TNR: variants seen among roughly 807,000 people sequenced by gnomAD.
TNR encodes tenascin R.
TNR carries 45 observed loss-of-function variants against 150.4 expected under a neutral mutation model. The observed-to-expected ratio is 0.30, with a 90% CI of 0.24 to 0.38. The LOEUF is 0.38. Ranked by LOEUF, TNR falls within the 10% of genes least tolerant of loss-of-function variation. The pLI, the probability that TNR is intolerant of heterozygous loss-of-function variation, is 1.00. For synonymous variants in TNR, 687 were observed against 678.4 expected (o/e 1.01, Z -0.20); for missense variants, 1,544 against 1,759.1 (o/e 0.88, Z 2.19).
At chr1:175,658,187 G>C (rs1665250825) in intron 1 of TNR, among the ~76,000 whole-genome samples, 3 of 152,084 alleles carry the variant, frequency 2.0e-5, no homozygotes, top group Non-Finnish European at 1.5e-5. Context: ...CAGGTCAGCA[G>C]CCCTCAGGTG....
chr1:175,525,185 C>T (rs1479541284), intron 2 of TNR, among the ~76,000 whole-genome samples: 1 of 152,180 alleles, frequency 6.6e-6, no homozygotes, highest in South Asian at 2.1e-4. Context: ...CTCCTTCCTG[C>T]CATCATGTGA....
chr1:175,648,510 C>T (rs893341344), intron 1 of TNR, among the ~76,000 whole-genome samples: 1 of 152,102 alleles, frequency 6.6e-6, no homozygotes, highest in Non-Finnish European at 1.5e-5. Flanking sequence ...CTGAGATGGG[C>T]TAATTTTAGT....
intron 2 of TNR, among the ~76,000 whole-genome samples, chr1:175,522,634 A>G (rs74581638): frequency 6.6e-6 from 1 of 152,226 alleles, no homozygotes; most frequent in East Asian, 1.9e-4. Flanking sequence ...TGAAGTTGAC[A>G]CAGTATGTAG....
intron 2 of TNR, among the ~76,000 whole-genome samples, chr1:175,448,058 T>A (rs1321212880): frequency 6.6e-6 from 1 of 152,120 alleles, no homozygotes; most frequent in Non-Finnish European, 1.5e-5. Context: ...CCCCAGCCCA[T>A]GAACAGAGGT....
chr1:175,373,288 T>C (rs1652190787), intron 9 of TNR, among the ~76,000 whole-genome samples: 1 of 152,076 alleles, frequency 6.6e-6, no homozygotes, highest in South Asian at 2.1e-4. Context: ...CATAGAGAAA[T>C]TTCCCATCAG....
chr1:175,707,539 G>C (rs1666874020), intron 1 of TNR, among the ~76,000 whole-genome samples: 1 of 152,190 alleles, frequency 6.6e-6, no homozygotes, highest in Non-Finnish European at 1.5e-5. Flanking sequence ...CCAAAAGGTA[G>C]TTTGGCTGAT....
chr1:175,431,913 C>CTCTCTCTCTCTCTCTCTCTCTCTCCT (rs1553221260), intron 2 of TNR, among the ~76,000 whole-genome samples: 10 of 149,550 alleles, frequency 6.7e-5, no homozygotes, highest in African/African-American at 2.2e-4. Flanking sequence ...ACCATAATAT[C>CTCTCTCTCTCTCTCTCTCTCTCTCCT]TCTCTCTCTC....
intron 1 of TNR, among the ~76,000 whole-genome samples, chr1:175,553,714 G>C (rs1406605020): frequency 6.6e-6 from 1 of 151,652 alleles, no homozygotes; most frequent in Non-Finnish European, 1.5e-5. Flanking sequence ...AATTTGTTAG[G>C]GGACTTGAGT....
At chr1:175,441,774 AC>A (rs1487886330) in intron 2 of TNR, among the ~76,000 whole-genome samples, 2 of 152,172 alleles carry the variant, frequency 1.3e-5, no homozygotes, top group Non-Finnish European at 2.9e-5. Context: ...ATGATTTCTG[AC>A]CAGCTATTTC....
intron 1 of TNR, among the ~76,000 whole-genome samples, chr1:175,581,264 G>A (rs1662338475): frequency 6.6e-6 from 1 of 152,184 alleles, no homozygotes; most frequent in African/African-American, 2.4e-5. Flanking sequence ...GGGGTTGCTG[G>A]ATAGAATGCC....
intron 1 of TNR, among the ~76,000 whole-genome samples, chr1:175,581,498 G>A (rs1265490467): frequency 6.6e-6 from 1 of 152,166 alleles, no homozygotes; most frequent in Non-Finnish European, 1.5e-5. Flanking sequence ...CTCCAAACTG[G>A]ATATTTATAG....
intron 1 of TNR, among the ~76,000 whole-genome samples, chr1:175,631,915 A>T (rs886223390): frequency 4.6e-5 from 7 of 152,246 alleles, no homozygotes; most frequent in Non-Finnish European, 7.3e-5. Context: ...TAAAAATGGA[A>T]TTTTAAAATC....
intron 18 of TNR, among the ~76,000 whole-genome samples, chr1:175,346,605 G>A (rs956622570): frequency 1.3e-5 from 2 of 152,054 alleles, no homozygotes; most frequent in African/African-American, 4.8e-5. Flanking sequence ...TACAGATGCA[G>A]TAGAGATAAT....
intron 1 of TNR, among the ~76,000 whole-genome samples, chr1:175,681,644 T>C (rs370962181): frequency 1.9e-4 from 29 of 152,316 alleles, no homozygotes; most frequent in African/African-American, 6.7e-4. Flanking sequence ...TATGAGACTC[T>C]AGGAAATGAT....
intron 2 of TNR, among the ~76,000 whole-genome samples, chr1:175,509,982 T>C (rs1659103062): frequency 6.6e-6 from 1 of 152,286 alleles, no homozygotes; most frequent in South Asian, 2.1e-4. Context: ...ATCCCAGCAC[T>C]TTGGGAGGAT....
chr1:175,704,390 T>C (rs1666785001), intron 1 of TNR, among the ~76,000 whole-genome samples: 1 of 152,168 alleles, frequency 6.6e-6, no homozygotes, highest in African/African-American at 2.4e-5. Flanking sequence ...CTGGAAAGCT[T>C]GGTGGACAGA....
intron 1 of TNR, among the ~76,000 whole-genome samples, chr1:175,584,986 C>T (rs1016605462): frequency 3.3e-5 from 5 of 152,146 alleles, no homozygotes; most frequent in Admixed American, 6.5e-5. Context: ...TGTGTCTGCA[C>T]GTCATTGGTT....
intron 18 of TNR, 57 bp from the exon 19 acceptor site, chr1:175,337,736 G>T (rs1557872752): frequency 6.3e-7 from 1 of 1,588,532 alleles, no homozygotes; most frequent in Non-Finnish European, 8.6e-7. Context: ...GTGCACAAGA[G>T]CTCCTTGGAT....
At chr1:175,622,050 T>C (rs146130449) in intron 1 of TNR, among the ~76,000 whole-genome samples, 1 of 152,364 alleles carries the variant, frequency 6.6e-6, no homozygotes, top group African/African-American at 2.4e-5. Context: ...AGTGAGATAA[T>C]CCATGTAAAG....
Sources: gnomAD v4.1 joint callset for allele counts (sites outside exome capture counted in the v4.1 genomes callset) on GRCh38, gnomAD v4.1.1 for gene constraint, MANE v1.5 for transcripts, NCBI Gene and HGNC (gene_info 2026-07-23, HGNC 2026-07-21) for gene names.